The following LAMB1 variants were observed in gnomAD, a reference collection of about 807,000 sequenced individuals.
LAMB1 encodes laminin subunit beta 1, also known as laminin subunit beta-1.
A neutral mutation model predicts 222.3 loss-of-function variants in LAMB1; 121 were observed. That is an observed-to-expected ratio of 0.54 (90% CI 0.47 to 0.63). The LOEUF (loss-of-function observed/expected upper bound fraction) is 0.63. LAMB1 is among the 30% of genes least tolerant of loss of function. The pLI is 0.00. For missense variants in LAMB1, 2,172 were observed against 2,240.8 expected (o/e 0.97, Z 0.62); for synonymous variants, 794 against 807.2 (o/e 0.98, Z 0.28).
intron 20 of LAMB1, among the ~76,000 whole-genome samples, chr7:107,956,760 C>T (rs1332232038): frequency 2.0e-5 from 3 of 152,210 alleles, no homozygotes; most frequent in African/African-American, 7.2e-5. Context: ...GGGGTGCTCT[C>T]CAGCTGTGTA....
At chr7:108,002,104 C>G in intron 2 of LAMB1, 4 of 1,476,596 alleles carry the variant, frequency 2.7e-6, no homozygotes, top group Non-Finnish European at 3.6e-6. Context: ...CGCAGGGAGG[C>G]TGACCCCCAA....
chr7:107,991,080 A>T (rs2034172407), intron 5 of LAMB1, among the ~76,000 whole-genome samples: 1 of 152,088 alleles, frequency 6.6e-6, no homozygotes, highest in Non-Finnish European at 1.5e-5. Context: ...TTTTGGTATT[A>T]ATTTTTTTTA....
rs992954642 is a variant in LAMB1 at position 107,936,987 on chromosome 7, A to G, written c.3946+106T>C. 1.6e-5 allele frequency: 15 copies of G among 961,738 alleles called. No homozygotes were observed. The African/African-American group carries it at 2.0e-4, about 13-fold the overall frequency. The allele number at this position is 961,738 out of a possible 1,614,324, so 59.6% of individuals were successfully genotyped here. A position where few individuals can be genotyped will look rare whatever the true frequency, so the allele number is the denominator to read the frequency against. On this transcript the variant is annotated intron_variant, in intron 26 of 33. Transcript: ENST00000222399. ...CAGAAACTGGATGAGCAAAAGTTTTAAAATTTATTAGAAAACTTTTTTTTT... is the reference window on the plus strand; with the variant it reads ...CAGAAACTGGATGAGCAAAAGTTTTGAAATTTATTAGAAAACTTTTTTTTT...
intron 12 of LAMB1, 71 bp from the exon 13 acceptor site, chr7:107,973,142 G>A: frequency 8.1e-7 from 1 of 1,237,680 alleles, no homozygotes; most frequent in South Asian, 1.2e-5. Context: ...CAACAAGCAA[G>A]TTAAAGCTTG....
intron 5 of LAMB1, among the ~76,000 whole-genome samples, chr7:107,993,762 C>G (rs955355443): frequency 6.6e-6 from 1 of 152,176 alleles, no homozygotes; most frequent in African/African-American, 2.4e-5. Flanking sequence ...AATGAAGGGA[C>G]AAGCGGTTGG....
chr7:107,971,050 A>G (rs897584381), intron 13 of LAMB1, among the ~76,000 whole-genome samples: 5 of 152,148 alleles, frequency 3.3e-5, no homozygotes, highest in African/African-American at 1.2e-4. Flanking sequence ...AATTATTCCA[A>G]AGTTCAGGTT....
In LAMB1 at chr7:107,962,957, T is replaced by C. The variant is rs1219783932; in HGVS notation, c.1805A>G (p.Asp602Gly). 6.2e-7 allele frequency: 1 copy of C among 1,614,086 alleles called. No individual in the cohort carries two copies. The highest frequency in any genetic ancestry group is 1.1e-5 in the South Asian group (1 of 91,082). The change falls in exon 15 of 34, where the codon GAC becomes GGC. Residue 602 changes from aspartate (D) to glycine (G), a missense_variant. Asp to Gly is a moderately conservative substitution (Grantham distance 94, BLOSUM62 -1). Transcript: ENST00000222399. ...PEGAYLEFFI[D>G]NIPYSMEYDI... is the part of the protein sequence containing the mutation. ...GTACTCCATGGAATATGGTATGTTGTCAATGAAAAACTCCAAATAAGCCCC... is the reference window on the plus strand; with the variant it reads ...GTACTCCATGGAATATGGTATGTTGCCAATGAAAAACTCCAAATAAGCCCC...
At chr7:107,988,410 T>C (rs1329787831) in intron 5 of LAMB1, among the ~76,000 whole-genome samples, 2 of 152,036 alleles carry the variant, frequency 1.3e-5, no homozygotes, top group African/African-American at 2.4e-5. Context: ...TGCACACACA[T>C]ATTTGAAACC....
intron 24 of LAMB1, among the ~76,000 whole-genome samples, chr7:107,950,695 GT>G (rs2033223590): frequency 6.6e-6 from 1 of 152,166 alleles, no homozygotes; most frequent in South Asian, 2.1e-4. Context: ...TGGTGGGGAT[GT>G]TATCTTACAC....
At chr7:108,000,555 A>G (rs559134811) in intron 3 of LAMB1, among the ~76,000 whole-genome samples, 134 of 152,298 alleles carry the variant, frequency 8.8e-4, no homozygotes, top group Non-Finnish European at 1.2e-3. Flanking sequence ...ATTTAAAAAA[A>G]TTTTTTGAGA....
At position 107,980,631 on chromosome 7, in the gene LAMB1, A is replaced by C. The variant is rs1487872050; in HGVS notation, c.857T>G (p.Phe286Cys). 2.5e-6 allele frequency: 4 copies of C among 1,613,958 alleles called. No individual in the cohort carries two copies. The African/African-American group carries it at 4.0e-5, about 16-fold the overall frequency. Residue 286 changes from phenylalanine (F) to cysteine (C), a missense_variant, in exon 8 of 34, where the codon TTC becomes TGC. By Grantham distance (205) the Phe-to-Cys change is radical. Coordinates refer to ENST00000222399, the MANE Select transcript of LAMB1 (RefSeq NM_002291.3). ...TACCATTCCTTCCACTTCTTCATTG[A>C]ATCCATCCACAGGGGCACATTCGCT... is the stretch of plus-strand genomic sequence containing the variant. The part of the protein sequence containing the change: ...HASECAPVDG[F>C]NEEVEGMVHG...
At chr7:107,967,773 G>A (rs1232976481) in intron 13 of LAMB1, among the ~76,000 whole-genome samples, 1 of 152,044 alleles carries the variant, frequency 6.6e-6, no homozygotes, top group Non-Finnish European at 1.5e-5. Context: ...AAAAAAAATA[G>A]TCCCTGTCTT....
At chr7:107,962,067 A>G (rs1216012441) in intron 15 of LAMB1, among the ~76,000 whole-genome samples, 2 of 152,318 alleles carry the variant, frequency 1.3e-5, no homozygotes, top group East Asian at 3.9e-4. Flanking sequence ...ATGATTCTCA[A>G]TAAAAACAAA....
At position 107,926,373 on chromosome 7, in the gene LAMB1, A is replaced by G; in HGVS notation, c.4888-14T>C. ...TTCAGACTCAATCTAAAAGCATGTCAATTTTCCAGCAAGACATTAGTTTAA... is the reference window on the plus strand; with the variant it reads ...TTCAGACTCAATCTAAAAGCATGTCGATTTTCCAGCAAGACATTAGTTTAA... On this transcript the variant is annotated splice_polypyrimidine_tract_variant and intron_variant, in intron 31 of 33. Transcript: ENST00000222399. 6.2e-7 allele frequency: 1 copy of G among 1,608,288 alleles called. No homozygotes were observed. The highest frequency in any genetic ancestry group is 8.5e-7 in the Non-Finnish European group (1 of 1,175,848).
Position 107,959,832 on chromosome 7 carries a change from A to T in LAMB1, c.2317T>A (p.Cys773Ser). The T allele has an allele frequency of 1.2e-6, 2 of 1,612,376 alleles. No individual in the cohort carries two copies. The highest frequency in any genetic ancestry group is 1.7e-5 in the Admixed American group (1 of 59,810). ...SALLHQTGLA[C>S]ECDPQGSLSS... ...AACGAACCCTGAGGGTCGCATTCACAAGCTGTGGGTAAAGAGAGGCCAGAA... is the reference window on the plus strand; with the variant it reads ...AACGAACCCTGAGGGTCGCATTCACTAGCTGTGGGTAAAGAGAGGCCAGAA... The change falls in exon 19 of 34, where the codon TGT becomes AGT. Residue 773 changes from cysteine to serine, a missense_variant and splice_region_variant. Transcript: ENST00000222399.
chr7:107,935,786 T>C, intron 26 of LAMB1, 130 bp from the exon 27 acceptor site: 1 of 1,039,618 alleles, frequency 9.6e-7, no homozygotes, highest in East Asian at 2.4e-5. Context: ...AAAAAATATT[T>C]ATGAAGTACA....
At position 107,932,275 on chromosome 7, in the gene LAMB1, C is replaced by T. The variant is rs763290933; in HGVS notation, c.4291G>A (p.Gly1431Ser). 6.2e-7 allele frequency: 1 copy of T among 1,614,088 alleles called. No individual in the cohort carries two copies. Among genetic ancestry groups the T allele is most frequent in the Non-Finnish European group, 8.5e-7 (1 of 1,180,038 alleles). The change falls in exon 28 of 34, where the codon GGT becomes AGT. Residue 1431 changes from glycine (G) to serine (S), a missense_variant. Coordinates refer to ENST00000222399, the MANE Select transcript of LAMB1 (RefSeq NM_002291.3). ...GERKCGGPGC[G>S]GLVTVAHNAW... ...TTGTGTGCAACAGTAACCAGACCAC[C>T]ACAGCCAGGCCCCCCACACTTCCTC...
At chr7:107,985,497 C>A (rs1185742305) in intron 7 of LAMB1, among the ~76,000 whole-genome samples, 3 of 151,818 alleles carry the variant, frequency 2.0e-5, no homozygotes, top group Admixed American at 1.3e-4. Context: ...GGCATGGTGG[C>A]GGGCACCTGT....
At chr7:107,985,684 G>A (rs865810118) in intron 7 of LAMB1, among the ~76,000 whole-genome samples, 4 of 151,370 alleles carry the variant, frequency 2.6e-5, no homozygotes, top group Non-Finnish European at 5.9e-5. Flanking sequence ...TGGGTCAGGC[G>A]TGGTGGCTCA....
Sources: gnomAD v4.1 joint callset for allele counts (sites outside exome capture counted in the v4.1 genomes callset) on GRCh38, gnomAD v4.1.1 for gene constraint, MANE v1.5 for transcripts, NCBI Gene and HGNC (gene_info 2026-07-23, HGNC 2026-07-21) for gene names.